MAP2: variants seen among roughly 807,000 people sequenced by gnomAD.
MAP2 encodes the protein microtubule associated protein 2.
MAP2 carries 14 observed loss-of-function variants against 137.6 expected under a neutral mutation model. The observed-to-expected ratio is 0.10, with a 90% CI of 0.07 to 0.16. The LOEUF (loss-of-function observed/expected upper bound fraction) is 0.16. MAP2 is among the 10% of genes least tolerant of loss of function. The pLI is 1.00. For missense variants in MAP2, 2,088 were observed against 2,191.5 expected (o/e 0.95, Z 0.94); for synonymous variants, 786 against 782.3 (o/e 1.00, Z -0.08).
At chr2:209,527,523 A>G (rs936527376) in intron 2 of MAP2, among the ~76,000 whole-genome samples, 4 of 152,020 alleles carry the variant, frequency 2.6e-5, no homozygotes, top group Non-Finnish European at 2.9e-5. Flanking sequence ...ACCACATCCC[A>G]CAATTCCCAT....
intron 3 of MAP2, among the ~76,000 whole-genome samples, chr2:209,582,776 T>C (rs765100837): frequency 6.6e-6 from 1 of 152,168 alleles, no homozygotes; most frequent in Non-Finnish European, 1.5e-5. Context: ...TGTTATTCTT[T>C]CTTGCTGTCA....
chr2:209,612,818 G>A (rs562952843), intron 3 of MAP2, among the ~76,000 whole-genome samples: 38 of 152,232 alleles, frequency 2.5e-4, no homozygotes, highest in Non-Finnish European at 4.6e-4. Flanking sequence ...AGTTTTACAG[G>A]AAATCTTATT....
chr2:209,690,775 C>T (rs200773985), intron 7 of MAP2: 23 of 1,289,550 alleles, frequency 1.8e-5, no homozygotes, highest in African/African-American at 3.0e-5. Flanking sequence ...CAGCAGGGGC[C>T]CCACATGAGA....
chr2:209,636,805 G>A (rs903041089), intron 4 of MAP2, among the ~76,000 whole-genome samples: 2 of 152,040 alleles, frequency 1.3e-5, no homozygotes, highest in Admixed American at 6.6e-5. Flanking sequence ...GCAGAGCTGA[G>A]TAACTGTATT....
intron 3 of MAP2, among the ~76,000 whole-genome samples, chr2:209,580,736 G>C (rs973661087): frequency 6.6e-6 from 1 of 152,164 alleles, no homozygotes; most frequent in African/African-American, 2.4e-5. Flanking sequence ...GAATGCACTT[G>C]AATCCACTTG....
intron 12 of MAP2, among the ~76,000 whole-genome samples, chr2:209,708,240 T>A (rs1294635183): frequency 6.6e-6 from 1 of 152,190 alleles, no homozygotes; most frequent in Non-Finnish European, 1.5e-5. Context: ...CCAAGTTGGA[T>A]GTGGTTGTGT....
In MAP2 at chr2:209,732,891, G is replaced by C. The variant is rs2075954476; in HGVS notation, c.*2494G>C. 1 of 152,578 alleles carries C rather than the reference G, an allele frequency of 6.6e-6. No homozygotes were observed. The highest frequency in any genetic ancestry group is 1.9e-4 in the East Asian group (1 of 5,174). The allele number at this position is 152,578 out of a possible 1,614,324, so 9.5% of individuals were successfully genotyped here. On this transcript the variant is annotated 3_prime_UTR_variant, in exon 16 of 16. Transcript: ENST00000682079. ...TATGGAAATACAATTCTTTATTAAA[G>C]TTAACAGAAAGGAACTGATCGTTTG...
At chr2:209,510,167 T>G (rs1250741771) in intron 2 of MAP2, among the ~76,000 whole-genome samples, 1 of 151,982 alleles carries the variant, frequency 6.6e-6, no homozygotes, top group African/African-American at 2.4e-5. Flanking sequence ...TTCTTTTTCT[T>G]TATTATTAAT....
chr2:209,525,150 A>G (rs923997126), intron 2 of MAP2, among the ~76,000 whole-genome samples: 6 of 152,184 alleles, frequency 3.9e-5, no homozygotes, highest in Non-Finnish European at 8.8e-5. Context: ...CCATCTCTGT[A>G]GACATGCTCA....
intron 1 of MAP2, among the ~76,000 whole-genome samples, chr2:209,468,823 T>C (rs1704887123): frequency 6.6e-6 from 1 of 152,166 alleles, no homozygotes; most frequent in African/African-American, 2.4e-5. Context: ...GGGTATATAT[T>C]ACCCTTACTT....
intron 4 of MAP2, among the ~76,000 whole-genome samples, chr2:209,635,105 AAAAG>A (rs1010801347): frequency 1.3e-5 from 2 of 152,116 alleles, no homozygotes; most frequent in Non-Finnish European, 2.9e-5. Flanking sequence ...CTCTAAAAGA[AAAAG>A]AAAATAATAA....
At chr2:209,451,238 C>CA (rs1194753601) in intron 1 of MAP2, among the ~76,000 whole-genome samples, 1 of 152,154 alleles carries the variant, frequency 6.6e-6, no homozygotes, top group Non-Finnish European at 1.5e-5. Context: ...CACACTCATC[C>CA]ACTCTCCACC....
intron 4 of MAP2, among the ~76,000 whole-genome samples, chr2:209,638,453 G>A (rs2093740274): frequency 1.3e-5 from 2 of 152,030 alleles, no homozygotes; most frequent in South Asian, 2.1e-4. Flanking sequence ...CACAACACAA[G>A]CAGCCTGCCC....
intron 1 of MAP2, among the ~76,000 whole-genome samples, chr2:209,487,205 T>C (rs1385472713): frequency 6.6e-6 from 1 of 152,220 alleles, no homozygotes; most frequent in Non-Finnish European, 1.5e-5. Context: ...TACCTACACC[T>C]GGACTCACCC....
At chr2:209,723,721 A>T in intron 13 of MAP2, 1 of 1,492,584 alleles carries the variant, frequency 6.7e-7, no homozygotes, top group South Asian at 1.1e-5. Context: ...AGCTGTCCTG[A>T]TTGCGTGGAG....
chr2:209,474,984 T>C (rs902702106), intron 1 of MAP2, among the ~76,000 whole-genome samples: 1 of 152,060 alleles, frequency 6.6e-6, no homozygotes, highest in Admixed American at 6.6e-5. Flanking sequence ...TTCACTCTAG[T>C]ATTATTCTTG....
At chr2:209,474,062 A>G (rs1706513550) in intron 1 of MAP2, among the ~76,000 whole-genome samples, 1 of 152,160 alleles carries the variant, frequency 6.6e-6, no homozygotes, top group Admixed American at 6.6e-5. Flanking sequence ...TTGTTTTCTA[A>G]CATTGAACCG....
chr2:209,504,725 A>T (rs288064), intron 1 of MAP2, among the ~76,000 whole-genome samples: 5 of 151,976 alleles, frequency 3.3e-5, no homozygotes, highest in African/African-American at 1.2e-4. Flanking sequence ...CATTAAGTAC[A>T]TTCGCGTTGC....
chr2:209,648,362 G>A (rs902690382), intron 4 of MAP2, among the ~76,000 whole-genome samples: 2 of 152,074 alleles, frequency 1.3e-5, no homozygotes, highest in African/African-American at 4.8e-5. Context: ...GCCTACCAAA[G>A]TGCTGGCATT....
Sources: allele counts gnomAD v4.1 joint callset (sites outside exome capture counted in the v4.1 genomes callset), GRCh38; gene constraint gnomAD v4.1.1; transcripts MANE v1.5; gene names NCBI Gene and HGNC (gene_info 2026-07-23, HGNC 2026-07-21).